IL1RAPL2: variants seen among roughly 807,000 people sequenced by gnomAD.
IL1RAPL2 encodes interleukin 1 receptor accessory protein like 2.
Under a neutral mutation model 44.1 loss-of-function variants are expected in IL1RAPL2, and 3 were observed. The observed-to-expected ratio is 0.07, with a 90% confidence interval of 0.03 to 0.18. The LOEUF is 0.18. Ranked by LOEUF, IL1RAPL2 falls within the 10% of genes least tolerant of loss-of-function variation. The probability of loss-of-function intolerance (pLI) is 1.00; values close to 1 mark genes in which losing one functional copy is unlikely to be tolerated. For missense variants in IL1RAPL2, 391 were observed against 496.4 expected, an observed-to-expected ratio of 0.79 and a Z score of 2.02; for synonymous variants, 181 against 178.8, an observed-to-expected ratio of 1.01 and a Z score of -0.10.
chrX:105,041,327 G>A (rs1415492755), intron 2 of IL1RAPL2, among the ~76,000 whole-genome samples: 63 of 111,125 alleles, frequency 5.7e-4, no homozygotes, highest in Admixed American at 1.6e-3. Context: ...AATAGGTGTG[G>A]TGTGGTGCTG....
intron 1 of IL1RAPL2, among the ~76,000 whole-genome samples, chrX:104,642,043 G>A (rs1265048833): frequency 6.3e-5 from 7 of 111,204 alleles, no homozygotes; most frequent in African/African-American, 1.6e-4. Context: ...CCATAGCCAA[G>A]ATTGCATGAT....
intron 2 of IL1RAPL2, among the ~76,000 whole-genome samples, chrX:104,779,470 CAT>C (rs369622990): frequency 2.3e-4 from 26 of 112,212 alleles, no homozygotes; most frequent in Non-Finnish European, 3.9e-4. Flanking sequence ...CAAGATGAAA[CAT>C]AGCATTCTAC....
intron 2 of IL1RAPL2, among the ~76,000 whole-genome samples, chrX:105,144,094 G>GTGT (rs2033155125): frequency 2.3e-4 from 18 of 79,564 alleles, no homozygotes; most frequent in Non-Finnish European, 4.3e-4. Flanking sequence ...TCAACAGATG[G>GTGT]GTGTGTGTGT....
At chrX:105,530,730 A>T (rs1051796145) in intron 6 of IL1RAPL2, among the ~76,000 whole-genome samples, 1 of 64,873 alleles carries the variant, frequency 1.5e-5, no homozygotes, top group Non-Finnish European at 2.9e-5. Flanking sequence ...CCCCGCCCCC[A>T]CCCCACTACC....
At chrX:105,038,048 A>G (rs2031659520) in intron 2 of IL1RAPL2, among the ~76,000 whole-genome samples, 1 of 111,612 alleles carries the variant, frequency 9.0e-6, no homozygotes, top group Non-Finnish European at 1.9e-5. Context: ...AGACAGAGAA[A>G]GTAGTCAAAG....
At chrX:105,320,380 G>A (rs1029791579) in intron 5 of IL1RAPL2, among the ~76,000 whole-genome samples, 1 of 111,589 alleles carries the variant, frequency 9.0e-6, no homozygotes, top group African/African-American at 3.3e-5. Context: ...TGGGTCTAGG[G>A]GCAATAAGGA....
At chrX:105,711,457 G>C (rs1254371916) in intron 6 of IL1RAPL2, among the ~76,000 whole-genome samples, 1 of 111,186 alleles carries the variant, frequency 9.0e-6, no homozygotes, top group Non-Finnish European at 1.9e-5. Context: ...CGTGACAGCA[G>C]AGCCCTTATT....
In IL1RAPL2 at chrX:104,608,785, G is replaced by T. The variant is rs189811078; in HGVS notation, c.-20+41734G>T. ...GTCTCCTGAATACAGCACACTGATG[G>T]GTCTTGACTCTTTATCCAATTTGCC... On this transcript the variant is annotated intron_variant, in intron 1 of 10. Coordinates refer to ENST00000372582, the MANE Select transcript of IL1RAPL2 (RefSeq NM_017416.2). 1.3e-3 allele frequency among the ~76,000 whole-genome samples: 135 copies of T among 107,665 alleles called. 5 individuals carry two copies. In the East Asian group the frequency reaches 0.035, roughly 28 times the overall value. 93.5% of individuals were successfully genotyped at this position (107,665 alleles called of 115,157 possible).
intron 2 of IL1RAPL2, among the ~76,000 whole-genome samples, chrX:104,828,479 C>A (rs1456989222): frequency 9.1e-6 from 1 of 109,443 alleles, no homozygotes; most frequent in African/African-American, 3.5e-5. Flanking sequence ...GCAAAGGTTG[C>A]TGCCTCCTCC....
At chrX:104,683,446 T>C (rs1315713319) in intron 2 of IL1RAPL2, among the ~76,000 whole-genome samples, 1 of 112,155 alleles carries the variant, frequency 8.9e-6, no homozygotes, top group Non-Finnish European at 1.9e-5. Context: ...CTGGGGCTAA[T>C]ACAGAGGTCA....
chrX:104,998,403 G>A (rs756127099), intron 2 of IL1RAPL2, among the ~76,000 whole-genome samples: 2 of 111,037 alleles, frequency 1.8e-5, no homozygotes, highest in East Asian at 5.8e-4. Context: ...TGCCTTGAAG[G>A]AAAGTAGAGA....
intron 6 of IL1RAPL2, among the ~76,000 whole-genome samples, chrX:105,641,382 G>A (rs2037568665): frequency 9.0e-6 from 1 of 111,027 alleles, no homozygotes; most frequent in African/African-American, 3.3e-5. Context: ...TGTCTGGGGA[G>A]CTCACATCTA....
intron 2 of IL1RAPL2, among the ~76,000 whole-genome samples, chrX:105,175,774 C>T: frequency 9.1e-6 from 1 of 110,468 alleles, no homozygotes; most frequent in Admixed American, 9.7e-5. Flanking sequence ...TATCAGGATT[C>T]CTTTAACAGC....
chrX:105,437,047 A>ATG (rs2035887189), intron 5 of IL1RAPL2, among the ~76,000 whole-genome samples: 1 of 105,232 alleles, frequency 9.5e-6, no homozygotes, highest in South Asian at 4.1e-4. Flanking sequence ...ATATATATAT[A>ATG]TACCATATTT....
intron 2 of IL1RAPL2, among the ~76,000 whole-genome samples, chrX:105,112,425 C>A (rs1386951101): frequency 8.9e-6 from 1 of 112,026 alleles, no homozygotes; most frequent in Non-Finnish European, 1.9e-5. Context: ...TTTTGACTGA[C>A]CTTTCAATAA....
intron 4 of IL1RAPL2, among the ~76,000 whole-genome samples, chrX:105,260,881 C>T (rs1274741632): frequency 8.9e-6 from 1 of 112,357 alleles, no homozygotes; most frequent in Admixed American, 9.4e-5. Context: ...GCTGGAATTC[C>T]AAGTCTTGTT....
chrX:105,510,207 C>T (rs1335168524), intron 6 of IL1RAPL2, among the ~76,000 whole-genome samples: 5 of 110,404 alleles, frequency 4.5e-5, no homozygotes, highest in South Asian at 3.8e-4. Context: ...AAACAGCCTC[C>T]GCAATATCAT....
intron 4 of IL1RAPL2, among the ~76,000 whole-genome samples, chrX:105,254,887 T>C (rs951610201): frequency 1.8e-5 from 2 of 111,638 alleles, no homozygotes; most frequent in Non-Finnish European, 3.8e-5. Flanking sequence ...TATTTCTGGC[T>C]CTCTATTCTT....
intron 4 of IL1RAPL2, among the ~76,000 whole-genome samples, chrX:105,248,647 G>GA (rs71968191): frequency 0.21 from 22,815 of 109,742 alleles, 4,987 homozygotes; most frequent in African/African-American, 0.66. Context: ...AATTTTGTAG[G>GA]AAAAAAACCT....
Sources: gnomAD v4.1 joint callset for allele counts (sites outside exome capture counted in the v4.1 genomes callset) on GRCh38, gnomAD v4.1.1 for gene constraint, MANE v1.5 for transcripts, NCBI Gene and HGNC (gene_info 2026-07-23, HGNC 2026-07-21) for gene names.